Variants in EPB41L2 observed in about 807,000 individuals in gnomAD.
The protein encoded by EPB41L2 is band 4.1-like protein 2.
A neutral mutation model predicts 113.0 loss-of-function variants in EPB41L2; 43 were observed. The observed-to-expected ratio is 0.38, with a 90% CI of 0.30 to 0.49. The LOEUF (loss-of-function observed/expected upper bound fraction) is 0.49, where lower values mean the gene tolerates loss of function less well. Among genes scored for constraint, EPB41L2 ranks in the 20% least tolerant of loss-of-function variants. The pLI is 0.95. For missense variants in EPB41L2, 1,147 were observed against 1,223.4 expected (o/e 0.94, Z 0.93); for synonymous variants, 442 against 436.7 (o/e 1.01, Z -0.15).
rs9398968 is a variant in EPB41L2 at position 130,997,759 on chromosome 6, A to C, written c.-14-41260T>G. Among the ~76,000 whole-genome samples the C allele has an allele frequency of 6.1e-3, 927 of 152,258 alleles. 11 individuals carry two copies. The highest frequency in any genetic ancestry group is 0.025 in the Admixed American group (376 of 15,292). On this transcript the variant is annotated intron_variant, in intron 1 of 19. Coordinates refer to ENST00000337057, the MANE Select transcript of EPB41L2 (RefSeq NM_001431.4). ...ACAGGACTATTGCATTTCAGGGGGGAAAAGGCAGTGAAAATTAACACAAAA... is the reference window on the plus strand; with the variant it reads ...ACAGGACTATTGCATTTCAGGGGGGCAAAGGCAGTGAAAATTAACACAAAA...
chr6:131,010,289 GA>G (rs1786606034), intron 1 of EPB41L2, among the ~76,000 whole-genome samples: 1 of 152,192 alleles, frequency 6.6e-6, no homozygotes. Context: ...GACAGAGTAA[GA>G]AGCACTGCCC....
At chr6:131,054,772 G>A (rs1797291234) in intron 1 of EPB41L2, among the ~76,000 whole-genome samples, 1 of 152,256 alleles carries the variant, frequency 6.6e-6, no homozygotes. Context: ...GCCAGGGGAA[G>A]AAGAAAAGAG....
At chr6:130,957,933 A>G (rs1053063196) in intron 1 of EPB41L2, among the ~76,000 whole-genome samples, 1 of 152,250 alleles carries the variant, frequency 6.6e-6, no homozygotes, top group Non-Finnish European at 1.5e-5. Flanking sequence ...TGTATACTTT[A>G]AAAGGGTGAA....
intron 19 of EPB41L2, among the ~76,000 whole-genome samples, chr6:130,852,645 G>C (rs554620049): frequency 6.6e-6 from 1 of 152,108 alleles, no homozygotes; most frequent in East Asian, 1.9e-4. Context: ...CATGCTGACC[G>C]TCAACAAGTC....
intron 1 of EPB41L2, among the ~76,000 whole-genome samples, chr6:130,969,190 A>G (rs1776126571): frequency 1.3e-5 from 2 of 152,058 alleles, no homozygotes; most frequent in African/African-American, 4.8e-5. Flanking sequence ...GTTGCAAATA[A>G]TTTGAAGAGA....
At chr6:130,999,041 C>A (rs1465953533) in intron 1 of EPB41L2, among the ~76,000 whole-genome samples, 1 of 152,176 alleles carries the variant, frequency 6.6e-6, no homozygotes, top group Non-Finnish European at 1.5e-5. Context: ...AATCCTCAAG[C>A]CTCTTCTCAA....
intron 14 of EPB41L2, among the ~76,000 whole-genome samples, chr6:130,873,466 G>GTT (rs34408511): frequency 1.4e-5 from 2 of 147,768 alleles, no homozygotes; most frequent in Non-Finnish European, 3.0e-5. Context: ...CACTATTCAG[G>GTT]TTTTTTTTTT....
chr6:131,032,355 C>T (rs1336464018), intron 1 of EPB41L2, among the ~76,000 whole-genome samples: 1 of 152,066 alleles, frequency 6.6e-6, no homozygotes, highest in East Asian at 1.9e-4. Flanking sequence ...AATTTTGGTT[C>T]TTTTAAAGAC....
intron 4 of EPB41L2, among the ~76,000 whole-genome samples, chr6:130,915,119 C>T (rs1302104991): frequency 1.3e-5 from 2 of 151,836 alleles, no homozygotes; most frequent in East Asian, 3.9e-4. Flanking sequence ...CCGGCTAAAA[C>T]GGTGAAACCC....
chr6:130,893,273 G>A (rs1304938674), intron 10 of EPB41L2, among the ~76,000 whole-genome samples: 1 of 152,120 alleles, frequency 6.6e-6, no homozygotes, highest in Non-Finnish European at 1.5e-5. Context: ...TAATTTAAGA[G>A]GCACAAAATG....
At position 130,926,594 on chromosome 6, in the gene EPB41L2, A is replaced by G. The variant is rs756724940; in HGVS notation, c.810+11T>C. ...TTCTAAAAAGATAAAAATAAACTTGAAATCACTTACTTTCTGCTCAGGGCT... is the reference window on the plus strand; with the variant it reads ...TTCTAAAAAGATAAAAATAAACTTGGAATCACTTACTTTCTGCTCAGGGCT... On this transcript the variant is annotated intron_variant, in intron 4 of 19. Transcript: ENST00000337057. 4.5e-5 allele frequency: 69 copies of G among 1,545,792 alleles called. No individual in the cohort carries two copies. The highest frequency in any genetic ancestry group is 5.9e-5 in the Non-Finnish European group (67 of 1,130,998).
intron 8 of EPB41L2, among the ~76,000 whole-genome samples, chr6:130,895,608 T>C (rs1434264736): frequency 3.9e-5 from 6 of 152,238 alleles, no homozygotes; most frequent in Non-Finnish European, 8.8e-5. Context: ...GCCAATATTT[T>C]GCAAAACACC....
chr6:130,863,612 C>T lies in EPB41L2; in HGVS notation c.2910+26G>A, dbSNP rs766538073. 14 of 1,537,240 alleles carry T rather than the reference C, an allele frequency of 9.1e-6. 1 individual carries two copies. In the South Asian group the frequency reaches 1.6e-4, roughly 17 times the overall value. On this transcript the variant is annotated intron_variant, in intron 18 of 19. Coordinates refer to ENST00000337057, the MANE Select transcript of EPB41L2 (RefSeq NM_001431.4). ...ACTTAGAAAACAAACAGGGCCATTT[C>T]CAAAACTAGAACTTAACTTATTTAC...
At position 130,951,312 on chromosome 6, in the gene EPB41L2, C is replaced by CTTTTTTTTTTTTTT. The variant is rs34082234; in HGVS notation, c.705+3779_705+3792dup. ...AGAAAAAAGATGCTCAGCCTCAGTA[C>CTTTTTTTTTTTTTT]TTTTTTTTTTTTTTTTTTTTTTTTT... On this transcript the variant is annotated intron_variant, in intron 3 of 19. Transcript: ENST00000337057. Among the ~76,000 whole-genome samples, 19 of 50,846 alleles carry CTTTTTTTTTTTTTT rather than the reference C, an allele frequency of 3.7e-4. 2 individuals are homozygous for CTTTTTTTTTTTTTT. The highest frequency in any genetic ancestry group is 5.3e-4 in the African/African-American group (4 of 7,514). 33.4% of individuals were successfully genotyped at this position (50,846 alleles called of 152,430 possible).
At position 130,956,585 on chromosome 6, in the gene EPB41L2, T is replaced by A. The variant is rs1431869835; in HGVS notation, c.-14-86A>T. ...TTGCGAGGGGCATGGTAAGGAAAGA[T>A]GAGAAGAAGAGTAACAGATGACAGG... On this transcript the variant is annotated intron_variant, in intron 1 of 19. Coordinates refer to ENST00000337057, the MANE Select transcript of EPB41L2 (RefSeq NM_001431.4). 18 of 1,221,360 alleles carry A rather than the reference T, an allele frequency of 1.5e-5. No homozygotes were observed. In the East Asian group the frequency reaches 4.1e-4, roughly 28 times the overall value. 75.7% of individuals were successfully genotyped at this position (1,221,360 alleles called of 1,614,324 possible).
At chr6:130,841,085 C>T (rs1422198141) in intron 19 of EPB41L2, among the ~76,000 whole-genome samples, 2 of 151,656 alleles carry the variant, frequency 1.3e-5, no homozygotes, top group East Asian at 1.9e-4. Flanking sequence ...GAGGCAGAAA[C>T]GAATGGAAGG....
intron 15 of EPB41L2, chr6:130,868,797 T>C (rs1248385971): frequency 1.3e-5 from 2 of 152,324 alleles, no homozygotes; most frequent in Non-Finnish European, 2.9e-5. Context: ...GTTCTCTTCT[T>C]TGAAAAGAAA....
intron 1 of EPB41L2, among the ~76,000 whole-genome samples, chr6:131,057,381 C>G (rs980852532): frequency 3.3e-5 from 5 of 152,144 alleles, no homozygotes; most frequent in Non-Finnish European, 7.3e-5. Flanking sequence ...AAATAATCTC[C>G]CTCAAGGTAA....
chr6:130,910,766 T>A (rs1799126312), intron 4 of EPB41L2, among the ~76,000 whole-genome samples: 1 of 152,120 alleles, frequency 6.6e-6, no homozygotes. Context: ...AACAAACATA[T>A]GAAAAAAAGC....
Sources: allele counts gnomAD v4.1 joint callset (sites outside exome capture counted in the v4.1 genomes callset), GRCh38; gene constraint gnomAD v4.1.1; transcripts MANE v1.5; gene names NCBI Gene and HGNC (gene_info 2026-07-23, HGNC 2026-07-21).